The following GIGYF1 variants were observed in gnomAD, a reference collection of about 807,000 sequenced individuals.
The protein encoded by GIGYF1 is GRB10 interacting GYF protein 1, also known as GRB10-interacting GYF protein 1.
Under a neutral mutation model 147.1 loss-of-function variants are expected in GIGYF1, and 84 were observed. That is an observed-to-expected ratio of 0.57 (90% CI 0.48 to 0.68). The LOEUF (loss-of-function observed/expected upper bound fraction) is 0.68, where lower values mean the gene tolerates loss of function less well. Among genes scored for constraint, GIGYF1 ranks in the 30% least tolerant of loss-of-function variants. The pLI is 0.00. For missense variants in GIGYF1, 1,485 were observed against 1,393.7 expected (o/e 1.07, Z -1.04); for synonymous variants, 752 against 589.5 (o/e 1.28, Z -3.99).
Position 100,688,016 on chromosome 7 carries a change from C to G in GIGYF1, c.130G>C (p.Glu44Gln). Residue 44 changes from glutamate (E) to glutamine (Q), a missense_variant, in exon 5 of 27, where the codon GAG becomes CAG. Coordinates refer to ENST00000678049, the MANE Select transcript of GIGYF1 (RefSeq NM_001375765.1). ...TTGACGTAGAGAGCCAGCATTTCCT[C>G]TCGCCCATAACGGTAGTCAGCCAGC... ...YKLADYRYGR[E>Q]EMLALYVKEN... 1 of 1,613,606 alleles carries G rather than the reference C, an allele frequency of 6.2e-7. No homozygotes were observed. Among genetic ancestry groups the G allele is most frequent in the Non-Finnish European group, 8.5e-7 (1 of 1,179,752 alleles).
At chr7:100,689,974 G>A (rs1161508038) in intron 1 of GIGYF1, among the ~76,000 whole-genome samples, 2 of 152,334 alleles carry the variant, frequency 1.3e-5, no homozygotes, top group Non-Finnish European at 2.9e-5. Context: ...ACCAGGGGCT[G>A]AGGGGACAGG....
chr7:100,683,424 C>T lies in GIGYF1; in HGVS notation c.2073G>A (p.Val691=), dbSNP rs1804991015. 2 of 1,613,938 alleles carry T rather than the reference C, an allele frequency of 1.2e-6. No individual in the cohort carries two copies. The highest frequency in any genetic ancestry group is 1.1e-5 in the South Asian group (1 of 91,094). Reference sequence around the variant, plus strand: ...CTTCCTCCCGCTTCGCCCTGAGCTCCACTTCTCTGCGCTCCTGGAACTGAG... The same window carrying T: ...CTTCCTCCCGCTTCGCCCTGAGCTCTACTTCTCTGCGCTCCTGGAACTGAG... ...LQHKFQERRE[V]ELRAKREEEE... Residue 691 remains valine (V), a synonymous_variant, in exon 21 of 27, where the codon GTG becomes GTA. Transcript: ENST00000678049.
intron 12 of GIGYF1, 123 bp downstream of exon 12, chr7:100,685,851 C>G (rs1246711113): frequency 1.3e-6 from 1 of 772,078 alleles, no homozygotes; most frequent in Non-Finnish European, 2.1e-6. Flanking sequence ...CCTCTCAGCA[C>G]TCTTCTTCCA....
chr7:100,691,007 C>T (rs1362616521), intron 1 of GIGYF1, among the ~76,000 whole-genome samples: 1 of 152,040 alleles, frequency 6.6e-6, no homozygotes, highest in Non-Finnish European at 1.5e-5. Context: ...TGCCACCCGC[C>T]TTCTTGGGAA....
rs78085837 is a variant in GIGYF1 at position 100,684,987 on chromosome 7, G to A, written c.1290+62C>T. ...TGGAGCTTGAGCTGGGGCCGGGGCT[G>A]GGGCCAAGCAGGTCAGGTCAGAAGT... On this transcript the variant is annotated intron_variant, in intron 14 of 26. Coordinates refer to ENST00000678049, the MANE Select transcript of GIGYF1 (RefSeq NM_001375765.1). The A allele has an allele frequency of 3.8e-4, 586 of 1,561,952 alleles. 6 individuals carry two copies. In the East Asian group the frequency reaches 0.013, roughly 34 times the overall value.
chr7:100,691,594 G>A (rs903628262), intron 1 of GIGYF1, among the ~76,000 whole-genome samples: 1 of 151,520 alleles, frequency 6.6e-6, no homozygotes, highest in Non-Finnish European at 1.5e-5. Context: ...GAAGGTAAGA[G>A]CAGGAGGTGG....
In GIGYF1 at chr7:100,688,310, G is replaced by A; in HGVS notation, c.-69-3C>T. The stretch of plus-strand genomic sequence containing the variant: ...CCTGGCGTTCACTGTCCAAACACCT[G>A]TGGGGGAACAGGGGCCATGAAGAAC... On this transcript the variant is annotated splice_region_variant and splice_polypyrimidine_tract_variant and intron_variant, in intron 3 of 26. Coordinates refer to ENST00000678049, the MANE Select transcript of GIGYF1 (RefSeq NM_001375765.1). 2 of 1,189,102 alleles carry A rather than the reference G, an allele frequency of 1.7e-6. No homozygotes were observed. The allele number at this position is 1,189,102 out of a possible 1,614,324, so 73.7% of individuals were successfully genotyped here.
chr7:100,692,677 G>A (rs546936406), intron 1 of GIGYF1, among the ~76,000 whole-genome samples: 3 of 152,310 alleles, frequency 2.0e-5, no homozygotes, highest in Admixed American at 1.3e-4. Flanking sequence ...AGCAGAAAAA[G>A]CTAGTCCAGA....
At chr7:100,688,341 A>G in intron 3 of GIGYF1, 34 bp from the exon 4 acceptor site, 1 of 1,019,418 alleles carries the variant, frequency 9.8e-7, no homozygotes. Context: ...AGAACAGCAC[A>G]CGAAGGAGAA....
At chr7:100,691,792 C>A (rs1805852229) in intron 1 of GIGYF1, among the ~76,000 whole-genome samples, 1 of 152,200 alleles carries the variant, frequency 6.6e-6, no homozygotes, top group Non-Finnish European at 1.5e-5. Flanking sequence ...TACCCTCACT[C>A]CCCCAGCATC....
intron 1 of GIGYF1, among the ~76,000 whole-genome samples, chr7:100,690,098 G>C (rs753733805): frequency 2.0e-5 from 3 of 152,196 alleles, no homozygotes; most frequent in Admixed American, 6.5e-5. Context: ...GGCACAATTA[G>C]AGACAGTTAA....
chr7:100,686,945 A>G (rs959119786), intron 9 of GIGYF1, 61 bp downstream of exon 9: 32 of 1,607,370 alleles, frequency 2.0e-5, no homozygotes, highest in Non-Finnish European at 2.7e-5. Flanking sequence ...GCACCCCCAG[A>G]CTGGGCCACC....
In GIGYF1 at chr7:100,690,211, TC is replaced by T. The variant is rs1433766746; in HGVS notation, c.-1098-657del. Among the ~76,000 whole-genome samples, 6 of 152,206 alleles carry T rather than the reference TC, an allele frequency of 3.9e-5. No individual in the cohort carries two copies. The East Asian group carries it at 9.6e-4, about 24-fold the overall frequency. Reference sequence around the variant, plus strand: ...AGATAACCACCGCATACCTAAGTTTTCCCCACTCCAAGAAAAACACCCCACA... The same window carrying T: ...AGATAACCACCGCATACCTAAGTTTTCCCACTCCAAGAAAAACACCCCACA... On this transcript the variant is annotated intron_variant, in intron 1 of 26. Transcript: ENST00000678049.
Position 100,683,315 on chromosome 7 carries a change from G to A in GIGYF1, c.2182C>T (p.Arg728Trp), listed in dbSNP as rs148785085. The stretch of plus-strand genomic sequence containing the variant: ...TTGGGAGCACCCACGTGCTTGCGCC[G>A]AAACAGCTCTTCCTCCTCCTGCCGC... ...KRRQEEEELF[R>W]RKHVRQQELL... The change falls in exon 21 of 27, where the codon CGG (arginine) becomes TGG (tryptophan). Residue 728 changes from arginine to tryptophan, a missense_variant. Coordinates refer to ENST00000678049, the MANE Select transcript of GIGYF1 (RefSeq NM_001375765.1). 2.9e-4 allele frequency: 469 copies of A among 1,613,730 alleles called. No homozygotes were observed. The highest frequency in any genetic ancestry group is 3.5e-4 in the Non-Finnish European group (418 of 1,180,036).
At position 100,686,217 on chromosome 7, in the gene GIGYF1, C is replaced by G; in HGVS notation, c.911G>C (p.Gly304Ala). 1 of 1,613,596 alleles carries G rather than the reference C, an allele frequency of 6.2e-7. No homozygotes were observed. Among genetic ancestry groups the G allele is most frequent in the Non-Finnish European group, 8.5e-7 (1 of 1,179,790 alleles). The change falls in exon 11 of 27, where the codon GGC becomes GCC. Residue 304 changes from glycine to alanine, a missense_variant. Transcript: ENST00000678049. The stretch of plus-strand genomic sequence containing the variant: ...GAAGGCCCCAGAGGCATCAAAGGTG[C>G]CCATTTCTTCATCCTCATCGTCCAG... ...WCLDDEDEEM[G>A]TFDASGAFLP...
At chr7:100,689,949 G>A (rs1433838881) in intron 1 of GIGYF1, among the ~76,000 whole-genome samples, 1 of 152,198 alleles carries the variant, frequency 6.6e-6, no homozygotes, top group Non-Finnish European at 1.5e-5. Context: ...GAGGGAGGAA[G>A]GTAGAAGGGC....
intron 10 of GIGYF1, 28 bp downstream of exon 10, chr7:100,686,621 C>A (rs202153495): frequency 6.3e-7 from 1 of 1,591,470 alleles, no homozygotes; most frequent in Non-Finnish European, 8.5e-7. Context: ...CCACTGCCCC[C>A]GCCAATGCTA....
At position 100,681,765 on chromosome 7, in the gene GIGYF1, G is replaced by C; in HGVS notation, c.3062C>G (p.Ser1021Cys). The C allele has an allele frequency of 1.9e-6, 3 of 1,589,388 alleles. No individual in the cohort carries two copies. Among genetic ancestry groups the C allele is most frequent in the African/African-American group, 1.3e-5 (1 of 74,698 alleles). ...GATCTCACCAGAAGATCCGTGCAGGGAGTACCCTGAAGCCGGGGAGAAGCT... is the reference window on the plus strand; with the variant it reads ...GATCTCACCAGAAGATCCGTGCAGGCAGTACCCTGAAGCCGGGGAGAAGCT... Reference protein sequence around the residue: ...LHSDPSILGYSLHGSSGEIES... With the variant: ...LHSDPSILGYCLHGSSGEIES... Residue 1021 changes from serine (S) to cysteine (C), a missense_variant, in exon 27 of 27, where the codon TCC (serine) becomes TGC (cysteine). Coordinates refer to ENST00000678049, the MANE Select transcript of GIGYF1 (RefSeq NM_001375765.1).
Position 100,681,579 on chromosome 7 carries a change from C to T in GIGYF1, c.*140G>A. 5.0e-6 allele frequency: 3 copies of T among 605,826 alleles called. No homozygotes were observed. The highest frequency in any genetic ancestry group is 3.0e-5 in the South Asian group (1 of 33,306). The allele number at this position is 605,826 out of a possible 1,614,324, so 37.5% of individuals were successfully genotyped here. A position where few individuals can be genotyped will look rare whatever the true frequency, so the allele number is the denominator to read the frequency against. On this transcript the variant is annotated 3_prime_UTR_variant, in exon 27 of 27. Coordinates refer to ENST00000678049, the MANE Select transcript of GIGYF1 (RefSeq NM_001375765.1). ...TCGTGGTGGGTGAGTTAAGGTGCATCGTGTGTTTGTAACAAGTGCTGGGGA... is the reference window on the plus strand; with the variant it reads ...TCGTGGTGGGTGAGTTAAGGTGCATTGTGTGTTTGTAACAAGTGCTGGGGA...
Sources: gnomAD v4.1 joint callset for allele counts (sites outside exome capture counted in the v4.1 genomes callset) on GRCh38, gnomAD v4.1.1 for gene constraint, MANE v1.5 for transcripts, NCBI Gene and HGNC (gene_info 2026-07-23, HGNC 2026-07-21) for gene names.